ZNF75D: variants seen among roughly 807,000 people sequenced by gnomAD.
The protein encoded by ZNF75D is zinc finger protein 75D.
A neutral mutation model predicts 33.3 loss-of-function variants in ZNF75D; 33 were observed. That is an observed-to-expected ratio of 0.99 (90% confidence interval 0.75 to 1.32). ZNF75D has a LOEUF of 1.32. Among genes scored for constraint, ZNF75D ranks in the 40% most tolerant of loss-of-function variants. The pLI, the probability that ZNF75D is intolerant of heterozygous loss-of-function variation, is 0.00. For missense variants in ZNF75D, 338 were observed against 367.5 expected (o/e 0.92, Z 0.66); for synonymous variants, 113 against 130.6 (o/e 0.87, Z 0.92).
At chrX:135,326,039 A>G (rs1225879049) in intron 1 of ZNF75D, among the ~76,000 whole-genome samples, 3 of 103,975 alleles carry the variant, frequency 2.9e-5, no homozygotes, top group Non-Finnish European at 5.9e-5. Context: ...GTATCTAGCT[A>G]CTCTGGTGGG....
chrX:135,342,041 A>G lies in ZNF75D; in HGVS notation c.-664T>C, dbSNP rs139425801. The G allele has an allele frequency of 1.0e-3, 112 of 112,332 alleles. No homozygotes were observed. Among genetic ancestry groups the G allele is most frequent in the African/African-American group, 3.3e-3 (103 of 30,933 alleles). 9.3% of individuals were successfully genotyped at this position (112,332 alleles called of 1,213,427 possible). On this transcript the variant is annotated 5_prime_UTR_variant, in exon 1 of 7. Transcript: ENST00000370766. ...CGCCATCCTACCTCAGGCGTATTGT[A>G]TATCAATTTTCAAGCCCTACATCAT...
intron 1 of ZNF75D, among the ~76,000 whole-genome samples, chrX:135,339,325 G>C: frequency 8.9e-6 from 1 of 112,233 alleles, no homozygotes; most frequent in Middle Eastern, 4.6e-3. Context: ...TTGCTGACCA[G>C]TCTTCTCAGT....
chrX:135,311,301 G>T (rs2084355727), intron 1 of ZNF75D, among the ~76,000 whole-genome samples: 1 of 112,284 alleles, frequency 8.9e-6, no homozygotes. Flanking sequence ...GGTGAAGAAG[G>T]CTGAGACTCT....
At position 135,342,943 on chromosome X, in the gene ZNF75D, C is replaced by G. The variant is rs1443831306; in HGVS notation, c.-1566G>C. 2.7e-5 allele frequency: 3 copies of G among 111,551 alleles called. No homozygotes were observed. In the Admixed American group the frequency reaches 2.8e-4, roughly 11 times the overall value. 9.2% of individuals were successfully genotyped at this position (111,551 alleles called of 1,213,427 possible). A position where few individuals can be genotyped will look rare whatever the true frequency, so the allele number is the denominator to read the frequency against. On this transcript the variant is annotated 5_prime_UTR_variant, in exon 1 of 7. Coordinates refer to ENST00000370766, the MANE Select transcript of ZNF75D (RefSeq NM_007131.5). Reference sequence around the variant, plus strand: ...GAGCAGAGCCAGGAGTTGAAAGCCCCCTTTGATCTACCTCCAGAGCGGACA... The same window carrying G: ...GAGCAGAGCCAGGAGTTGAAAGCCCGCTTTGATCTACCTCCAGAGCGGACA...
At position 135,294,272 on chromosome X, in the gene ZNF75D, G is replaced by A; in HGVS notation, c.-118-14C>T. 2.1e-6 allele frequency: 1 copy of A among 478,811 alleles called. No individual in the cohort carries two copies. The highest frequency in any genetic ancestry group is 3.4e-6 in the Non-Finnish European group (1 of 290,060). 39.5% of individuals were successfully genotyped at this position (478,811 alleles called of 1,213,427 possible). A position where few individuals can be genotyped will look rare whatever the true frequency, so the allele number is the denominator to read the frequency against. On this transcript the variant is annotated splice_polypyrimidine_tract_variant and intron_variant, in intron 2 of 6. Coordinates refer to ENST00000370766, the MANE Select transcript of ZNF75D (RefSeq NM_007131.5). ...TTCCCAAGAGCACTGAGGGAGAGCA[G>A]AAGAAAAGTACATGTCAAGAAGAAA...
chrX:135,275,836 A>G (rs1314859411), intron 1 of ZNF75D, among the ~76,000 whole-genome samples: 3 of 111,196 alleles, frequency 2.7e-5, no homozygotes, highest in African/African-American at 9.8e-5. Context: ...TTTTAACCTT[A>G]CACTAACTTT....
At chrX:135,258,360 G>C (rs1199838358) in intron 1 of ZNF75D, among the ~76,000 whole-genome samples, 1 of 110,433 alleles carries the variant, frequency 9.1e-6, no homozygotes, top group East Asian at 2.8e-4. Flanking sequence ...AGATCCTTGA[G>C]GAATCGCCAC....
At chrX:135,289,814 G>A (rs966143387) in intron 6 of ZNF75D, among the ~76,000 whole-genome samples, 3 of 111,773 alleles carry the variant, frequency 2.7e-5, no homozygotes, top group Admixed American at 9.5e-5. Flanking sequence ...TATATCCCAT[G>A]GCAGAAGACC....
intron 1 of ZNF75D, among the ~76,000 whole-genome samples, chrX:135,304,679 A>AGTTGT (rs1556425424): frequency 8.9e-6 from 1 of 112,694 alleles, no homozygotes; most frequent in Non-Finnish European, 1.9e-5. Flanking sequence ...TCTCTGGGAC[A>AGTTGT]GAGTTCCTAC....
rs782069385 is a variant in ZNF75D, at chrX:135,287,648, G to A, written c.1022C>T (p.Pro341Leu). ...RAFPRKKRKK[P>L]ATCKQELPKL... is the part of the protein sequence containing the mutation. ...TGGAAGCTCTTGTTTACAAGTTGCA[G>A]GTTTCTTTCTTTTCTTCCTTGGAAA... The change falls in exon 7 of 7, where the codon CCT becomes CTT. Residue 341 changes from proline to leucine, a missense_variant. Pro to Leu is a moderately conservative substitution (Grantham distance 98, BLOSUM62 -3). This residue lies in a region of ZNF75D where 254 missense variants were observed against 267.7 expected (regional missense o/e 0.95). Coordinates refer to ENST00000370766, the MANE Select transcript of ZNF75D (RefSeq NM_007131.5). The A allele has an allele frequency of 1.6e-5, 19 of 1,209,182 alleles. No homozygotes were observed. The South Asian group carries it at 3.4e-4, about 21-fold the overall frequency.
chrX:135,284,004 T>C (rs2083930874), downstream of ZNF75D, among the ~76,000 whole-genome samples: 1 of 111,820 alleles, frequency 8.9e-6, no homozygotes, highest in African/African-American at 3.3e-5. Flanking sequence ...TCTGCTCTCC[T>C]AGACCCTTTC....
At position 135,306,694 on chromosome X, in the gene ZNF75D, G is replaced by A. The variant is rs2084291279; in HGVS notation, c.-390-10655C>T. On this transcript the variant is annotated intron_variant, in intron 1 of 6. Transcript: ENST00000370766. ...TTGATCTTCCTTTTCAAAAAATGTA[G>A]TATTTTAAAATGTTATGTGAATATT... Among the ~76,000 whole-genome samples the A allele has an allele frequency of 2.7e-5, 3 of 112,156 alleles. No individual in the cohort carries two copies. In the South Asian group the frequency reaches 1.1e-3, roughly 41 times the overall value.
chrX:135,336,858 T>A (rs1336889797), intron 1 of ZNF75D, among the ~76,000 whole-genome samples: 1 of 112,259 alleles, frequency 8.9e-6, no homozygotes, highest in Non-Finnish European at 1.9e-5. Context: ...ATTCTTCAAG[T>A]GTGATTTCTG....
At chrX:135,264,112 A>G (rs1256063220) in intron 1 of ZNF75D, among the ~76,000 whole-genome samples, 2 of 112,024 alleles carry the variant, frequency 1.8e-5, no homozygotes, top group Admixed American at 1.9e-4. Flanking sequence ...ATTGACTCAC[A>G]GTTCTTCAGG....
At chrX:135,275,591 T>C (rs930925056) in intron 1 of ZNF75D, among the ~76,000 whole-genome samples, 25 of 111,171 alleles carry the variant, frequency 2.2e-4, no homozygotes, top group Non-Finnish European at 4.1e-4. Context: ...TTTTTATTCA[T>C]TTGCTGTTTA....
intron 1 of ZNF75D, among the ~76,000 whole-genome samples, chrX:135,314,571 G>A (rs139733982): frequency 0.045 from 5,017 of 111,113 alleles, 116 homozygotes; most frequent in Middle Eastern, 0.075. Flanking sequence ...GCTTCTTTAC[G>A]TATTTGGTAG....
At chrX:135,278,278 T>G (rs918923737) in intron 1 of ZNF75D, among the ~76,000 whole-genome samples, 69 of 111,865 alleles carry the variant, frequency 6.2e-4, no homozygotes, top group African/African-American at 2.2e-3. Context: ...CACTCGTGAT[T>G]TGGCTCATCT....
At chrX:135,275,371 G>A (rs2083895923) in intron 1 of ZNF75D, among the ~76,000 whole-genome samples, 2 of 111,901 alleles carry the variant, frequency 1.8e-5, no homozygotes, top group South Asian at 7.4e-4. Context: ...TGGCACTGGA[G>A]TACTTATTGG....
At position 135,342,476 on chromosome X, in the gene ZNF75D, C is replaced by T. The variant is rs1248020647; in HGVS notation, c.-1099G>A. ...GTTTAAACTCAAGGTTTTTATGATG[C>T]CATGACCCAGAGTGAATGTGTGTAT... On this transcript the variant is annotated 5_prime_UTR_variant, in exon 1 of 7. The change creates a premature stop within an existing upstream ORF in the 5' untranslated region. Coordinates refer to ENST00000370766, the MANE Select transcript of ZNF75D (RefSeq NM_007131.5). 8.9e-6 allele frequency: 1 copy of T among 111,812 alleles called. No individual in the cohort carries two copies. Among genetic ancestry groups the T allele is most frequent in the East Asian group, 2.8e-4 (1 of 3,562 alleles). 9.2% of individuals were successfully genotyped at this position (111,812 alleles called of 1,213,427 possible).
Sources: allele counts gnomAD v4.1 joint callset (sites outside exome capture counted in the v4.1 genomes callset), GRCh38; gene constraint gnomAD v4.1.1; regional missense constraint gnomAD v4.1.1; transcripts MANE v1.5; gene names NCBI Gene and HGNC (gene_info 2026-07-23, HGNC 2026-07-21).